PTER: variants seen among roughly 807,000 people sequenced by gnomAD.
PTER encodes the protein N-acetyltaurine hydrolase.
A neutral mutation model predicts 29.6 loss-of-function variants in PTER; 38 were observed. The ratio of observed to expected loss-of-function variants is 1.28; its 90% CI spans 0.99 to 1.68. PTER has a LOEUF of 1.68. Ranked by LOEUF, PTER falls within the 40% of genes most tolerant of loss-of-function variation. The probability of loss-of-function intolerance (pLI) is 0.00; values close to 1 mark genes in which losing one functional copy is unlikely to be tolerated. For synonymous variants in PTER, 172 were observed against 154.5 expected, an observed-to-expected ratio of 1.11 and a Z score of -0.84; for missense variants, 482 against 427.8, an observed-to-expected ratio of 1.13 and a Z score of -1.12.
chr10:16,501,890 A>G (rs772568013), intron 3 of PTER, among the ~76,000 whole-genome samples: 5 of 152,210 alleles, frequency 3.3e-5, no homozygotes, highest in African/African-American at 9.6e-5. Flanking sequence ...CATGGAGGGT[A>G]TTAAATGAGA....
chr10:16,471,005 C>G (rs1835031930), intron 1 of PTER, among the ~76,000 whole-genome samples: 1 of 152,164 alleles, frequency 6.6e-6, no homozygotes, highest in African/African-American at 2.4e-5. Context: ...AGATCTTGTT[C>G]CTGGTCTGGC....
intron 1 of PTER, among the ~76,000 whole-genome samples, chr10:16,471,154 A>G (rs78615377): frequency 0.024 from 3,653 of 152,232 alleles, 147 homozygotes; most frequent in African/African-American, 0.083. Flanking sequence ...GAACCATAGC[A>G]CTAGAAAGGC....
rs780199784 is a variant in PTER at position 16,484,746 on chromosome 10, T to C, written c.362T>C (p.Ile121Thr). The C allele has an allele frequency of 2.5e-6, 4 of 1,613,892 alleles. No homozygotes were observed. The highest frequency in any genetic ancestry group is 3.4e-6 in the Non-Finnish European group (4 of 1,179,968). ...CTTGCAGAAGAGACTGGCGTCCATA[T>C]CATATCTGGAGCCGGGTTTTATGTG... is the stretch of plus-strand genomic sequence containing the variant. ...KRLAEETGVH[I>T]ISGAGFYVDA... Residue 121 changes from isoleucine (I) to threonine (T), a missense_variant, in exon 2 of 5, where the codon ATC (isoleucine) becomes ACC (threonine). By Grantham distance (89) the Ile-to-Thr change is moderately conservative (BLOSUM62 -1). Transcript: ENST00000535784.
At chr10:16,438,469 G>GGTT (rs1554784923) in intron 1 of PTER, among the ~76,000 whole-genome samples, 26,248 of 94,892 alleles carry the variant, frequency 0.28, 2,600 homozygotes, top group South Asian at 0.45. Context: ...TCTGTTTTTT[G>GGTT]TTTTTTTTTT....
rs190556626 is a variant in PTER at position 16,493,988 on chromosome 10, A to G, written c.698+7371A>G. Among the ~76,000 whole-genome samples, 453 of 152,220 alleles carry G rather than the reference A, an allele frequency of 3.0e-3. 2 individuals carry two copies. The highest frequency in any genetic ancestry group is 0.01 in the African/African-American group (419 of 41,528). ...CTACCCACCAAAGCCTTCCACGAGT[A>G]ATTTTTTTTCTAAAGCAATTTTTCA... On this transcript the variant is annotated intron_variant, in intron 3 of 4. Transcript: ENST00000535784.
chr10:16,451,158 C>A (rs1834195098), intron 1 of PTER, among the ~76,000 whole-genome samples: 3 of 151,940 alleles, frequency 2.0e-5, no homozygotes, highest in Non-Finnish European at 4.4e-5. Flanking sequence ...AAGCCTCCAG[C>A]ATGGGAGAAA....
intron 1 of PTER, among the ~76,000 whole-genome samples, chr10:16,481,340 G>A (rs140815837): frequency 6.6e-5 from 10 of 152,270 alleles, no homozygotes; most frequent in Non-Finnish European, 7.3e-5. Context: ...TCCTTGTTCT[G>A]TGAACTCTCT....
chr10:16,439,430 A>G (rs935188628), intron 1 of PTER, among the ~76,000 whole-genome samples: 2 of 152,252 alleles, frequency 1.3e-5, no homozygotes, highest in Non-Finnish European at 2.9e-5. Flanking sequence ...GAACACAAAA[A>G]TAGATCATTT....
chr10:16,460,650 G>A (rs1461550749), intron 1 of PTER, among the ~76,000 whole-genome samples: 2 of 152,050 alleles, frequency 1.3e-5, no homozygotes, highest in East Asian at 3.8e-4. Flanking sequence ...CAGTAGATTT[G>A]TAATTTGACT....
chr10:16,514,026 G>A (rs1027903971), downstream of PTER: 2 of 308,630 alleles, frequency 6.5e-6, no homozygotes, highest in African/African-American at 4.3e-5. Flanking sequence ...AAGAGTACAA[G>A]GCAAACAATT....
At chr10:16,501,133 G>T (rs551805011) in intron 3 of PTER, among the ~76,000 whole-genome samples, 2 of 151,982 alleles carry the variant, frequency 1.3e-5, no homozygotes, top group African/African-American at 4.8e-5. Flanking sequence ...GTTTCACCAT[G>T]TTGGCCAGGC....
chr10:16,453,482 C>G (rs1834287001), intron 1 of PTER, among the ~76,000 whole-genome samples: 2 of 152,110 alleles, frequency 1.3e-5, no homozygotes, highest in Admixed American at 6.6e-5. Flanking sequence ...TTGAAGGCTA[C>G]TATAAAGACA....
At chr10:16,486,303 TG>T in intron 2 of PTER, 48 bp from the exon 3 acceptor site, 1 of 1,509,234 alleles carries the variant, frequency 6.6e-7, no homozygotes, top group Non-Finnish European at 9.0e-7. Flanking sequence ...GGATCTATTT[TG>T]ATAAATTTCA....
At chr10:16,474,759 C>T (rs915107678) in intron 1 of PTER, among the ~76,000 whole-genome samples, 2 of 151,954 alleles carry the variant, frequency 1.3e-5, no homozygotes, top group Non-Finnish European at 2.9e-5. Context: ...TGGTGGCGTG[C>T]ACCTGTAATC....
intron 1 of PTER, among the ~76,000 whole-genome samples, chr10:16,463,345 A>T (rs1834691887): frequency 6.6e-6 from 1 of 152,122 alleles, no homozygotes; most frequent in Non-Finnish European, 1.5e-5. Context: ...GTTAATTGGG[A>T]TTATCATGAT....
intron 1 of PTER, among the ~76,000 whole-genome samples, chr10:16,479,707 T>A (rs1292496397): frequency 6.6e-6 from 1 of 152,036 alleles, no homozygotes; most frequent in African/African-American, 2.4e-5. Context: ...CCATCTGCTC[T>A]GCCTCTTACT....
At chr10:16,487,488 G>A (rs1181169391) in intron 3 of PTER, among the ~76,000 whole-genome samples, 1 of 152,146 alleles carries the variant, frequency 6.6e-6, no homozygotes, top group Non-Finnish European at 1.5e-5. Context: ...AGATAATCCA[G>A]AATAATCTCA....
downstream of PTER, among the ~76,000 whole-genome samples, chr10:16,517,957 G>A (rs566569795): frequency 6.6e-6 from 1 of 152,004 alleles, no homozygotes; most frequent in East Asian, 1.9e-4. Context: ...CTCTCATATG[G>A]TTACAGTCCA....
intron 1 of PTER, among the ~76,000 whole-genome samples, chr10:16,454,975 T>A (rs928243065): frequency 6.6e-6 from 1 of 152,208 alleles, no homozygotes; most frequent in Admixed American, 6.5e-5. Flanking sequence ...ATGCCTGTGA[T>A]CCCAGCACTT....
Sources: gnomAD v4.1 joint callset for allele counts (sites outside exome capture counted in the v4.1 genomes callset) on GRCh38, gnomAD v4.1.1 for gene constraint, MANE v1.5 for transcripts, NCBI Gene and HGNC (gene_info 2026-07-23, HGNC 2026-07-21) for gene names.